Variants in ADGRB3 observed in about 807,000 individuals in gnomAD.
ADGRB3 encodes brain-specific angiogenesis inhibitor 3.
A neutral mutation model predicts 193.4 loss-of-function variants in ADGRB3; 37 were observed. The observed-to-expected ratio is 0.19, with a 90% confidence interval of 0.15 to 0.25. The LOEUF is 0.25. ADGRB3 is among the 10% of genes least tolerant of loss of function. The pLI is 1.00. For synonymous variants in ADGRB3, 690 were observed against 644.2 expected (o/e 1.07, Z -1.08); for missense variants, 1,637 against 1,852.9 (o/e 0.88, Z 2.14).
intron 3 of ADGRB3, among the ~76,000 whole-genome samples, chr6:68,728,221 T>C (rs1765707849): frequency 6.6e-6 from 1 of 151,524 alleles, no homozygotes; most frequent in African/African-American, 2.4e-5. Flanking sequence ...TGATTTCTTT[T>C]GCAGCTTGAT....
chr6:68,718,827 A>G (rs1765527505), intron 3 of ADGRB3, among the ~76,000 whole-genome samples: 1 of 151,776 alleles, frequency 6.6e-6, no homozygotes, highest in East Asian at 1.9e-4. Context: ...AACCTGGCCC[A>G]CTGCCTGTTT....
intron 3 of ADGRB3, among the ~76,000 whole-genome samples, chr6:68,871,441 A>G (rs1011594359): frequency 2.0e-5 from 3 of 152,018 alleles, no homozygotes; most frequent in African/African-American, 7.2e-5. Context: ...TGCATGGGGG[A>G]ATAAAGATTC....
At chr6:68,865,668 G>A (rs530187026) in intron 3 of ADGRB3, among the ~76,000 whole-genome samples, 73 of 152,208 alleles carry the variant, frequency 4.8e-4, no homozygotes, top group African/African-American at 1.6e-3. Context: ...AATGATTCAA[G>A]TTCTCCATTC....
At chr6:68,983,124 A>C (rs765798913) in intron 10 of ADGRB3, among the ~76,000 whole-genome samples, 8 of 152,176 alleles carry the variant, frequency 5.3e-5, no homozygotes, top group Middle Eastern at 3.2e-3. Flanking sequence ...TATTATAAAA[A>C]AGAAAAATAA....
chr6:69,149,279 C>A (rs1278877735), intron 17 of ADGRB3, among the ~76,000 whole-genome samples: 1 of 151,942 alleles, frequency 6.6e-6, no homozygotes, highest in African/African-American at 2.4e-5. Flanking sequence ...AGCCTGTCTT[C>A]AAGCTCACTA....
At chr6:69,388,416 C>G (rs2127245203) in intron 31 of ADGRB3, among the ~76,000 whole-genome samples, 1 of 152,226 alleles carries the variant, frequency 6.6e-6, no homozygotes, top group Admixed American at 6.5e-5. Flanking sequence ...ACTGACAATT[C>G]ACAACATGCC....
chr6:69,378,456 C>A (rs1454744945), intron 30 of ADGRB3, among the ~76,000 whole-genome samples: 1 of 152,034 alleles, frequency 6.6e-6, no homozygotes, highest in Non-Finnish European at 1.5e-5. Flanking sequence ...CTTACTTAGC[C>A]TCCTTGAGCT....
rs568322751 is a variant in ADGRB3 at position 69,036,272 on chromosome 6, T to C, written c.2108-11913T>C. On this transcript the variant is annotated intron_variant, in intron 13 of 31. Transcript: ENST00000370598. ...AAGGAGTGAGTTAACTGCCTCCAAC[T>C]TAATCCTAATGAAAGGTTACTGATT... is the stretch of plus-strand genomic sequence containing the variant. Among the ~76,000 whole-genome samples, 7 of 152,294 alleles carry C rather than the reference T, an allele frequency of 4.6e-5. No homozygotes were observed. In the South Asian group the frequency reaches 1.4e-3, roughly 32 times the overall value.
chr6:68,868,108 T>G (rs1278058259), intron 3 of ADGRB3, among the ~76,000 whole-genome samples: 1 of 152,102 alleles, frequency 6.6e-6, no homozygotes, highest in Non-Finnish European at 1.5e-5. Flanking sequence ...ATGATATGAT[T>G]TGGCTCTGTG....
chr6:68,896,174 A>T (rs1766213512), intron 3 of ADGRB3, among the ~76,000 whole-genome samples: 1 of 152,160 alleles, frequency 6.6e-6, no homozygotes, highest in Non-Finnish European at 1.5e-5. Context: ...GACTTCTCTT[A>T]GAACTTGTTG....
At chr6:69,197,264 C>CA (rs1765320501) in intron 17 of ADGRB3, among the ~76,000 whole-genome samples, 1 of 151,946 alleles carries the variant, frequency 6.6e-6, no homozygotes, top group Non-Finnish European at 1.5e-5. Context: ...TTCTCAAGAA[C>CA]AAAAATACTT....
rs575494437 is a variant in ADGRB3, at chr6:69,011,997, G to A, written c.1930-2041G>A. 3.3e-5 allele frequency among the ~76,000 whole-genome samples: 5 copies of A among 152,176 alleles called. No individual in the cohort carries two copies. The South Asian group carries it at 1.0e-3, about 32-fold the overall frequency. On this transcript the variant is annotated intron_variant, in intron 11 of 31. Coordinates refer to ENST00000370598, the MANE Select transcript of ADGRB3 (RefSeq NM_001704.3). ...TGAAGAAGAGTACAGAATGCTTGAA[G>A]AATAGTACAAAATGCTATGTTTGGT...
chr6:69,040,127 G>A (rs147471318), intron 13 of ADGRB3, among the ~76,000 whole-genome samples: 6 of 152,204 alleles, frequency 3.9e-5, no homozygotes, highest in Non-Finnish European at 8.8e-5. Context: ...GACAGTTGCT[G>A]GGTAGCTATT....
intron 20 of ADGRB3, among the ~76,000 whole-genome samples, chr6:69,273,002 G>A (rs1767213900): frequency 6.6e-6 from 1 of 152,132 alleles, no homozygotes; most frequent in African/African-American, 2.4e-5. Context: ...CCAAGTTCAA[G>A]CGATTCTCCT....
chr6:68,766,592 T>C (rs1766511325), intron 3 of ADGRB3, among the ~76,000 whole-genome samples: 1 of 152,066 alleles, frequency 6.6e-6, no homozygotes, highest in Non-Finnish European at 1.5e-5. Flanking sequence ...TGAATATAAT[T>C]TTATATTTAC....
intron 3 of ADGRB3, among the ~76,000 whole-genome samples, chr6:68,799,015 G>A (rs890600329): frequency 1.3e-5 from 2 of 152,152 alleles, no homozygotes; most frequent in East Asian, 1.9e-4. Context: ...ACAGAAGACA[G>A]TGAAAGGTTT....
chr6:69,297,368 T>TCTCTCTCTCTCTCTCTCTCTCTCTCTC (rs1767846054), intron 20 of ADGRB3, among the ~76,000 whole-genome samples: 4 of 97,632 alleles, frequency 4.1e-5, no homozygotes, highest in African/African-American at 1.2e-4. Context: ...CTCTCTCTCT[T>TCTCTCTCTCTCTCTCTCTCTCTCTCTC]TCTCTCTCTC....
intron 20 of ADGRB3, among the ~76,000 whole-genome samples, chr6:69,264,429 G>A (rs1766993053): frequency 6.6e-6 from 1 of 151,720 alleles, no homozygotes. Context: ...TGTCTTCTTA[G>A]CTATATCTTT....
intron 5 of ADGRB3, among the ~76,000 whole-genome samples, chr6:68,942,553 G>C (rs1339204771): frequency 6.6e-6 from 1 of 152,094 alleles, no homozygotes; most frequent in African/African-American, 2.4e-5. Context: ...ATTGTCTCAA[G>C]TATTAAGAAT....
Sources: gnomAD v4.1 joint callset for allele counts (sites outside exome capture counted in the v4.1 genomes callset) on GRCh38, gnomAD v4.1.1 for gene constraint, MANE v1.5 for transcripts, NCBI Gene and HGNC (gene_info 2026-07-23, HGNC 2026-07-21) for gene names.